The following RGS6 variants were observed in gnomAD, a reference collection of about 807,000 sequenced individuals.
RGS6 encodes regulator of G protein signaling 6.
A neutral mutation model predicts 78.5 loss-of-function variants in RGS6; 30 were observed. The observed-to-expected ratio is 0.38, with a 90% CI of 0.29 to 0.52. The LOEUF (loss-of-function observed/expected upper bound fraction) is 0.52. Ranked by LOEUF, RGS6 falls within the 20% of genes least tolerant of loss-of-function variation. The pLI is 0.85. For missense variants in RGS6, 495 were observed against 609.7 expected (o/e 0.81, Z 1.98); for synonymous variants, 206 against 206.0 (o/e 1.00, Z 0.00).
At chr14:72,101,754 C>G (rs2095533092) in intron 2 of RGS6, among the ~76,000 whole-genome samples, 2 of 152,188 alleles carry the variant, frequency 1.3e-5, no homozygotes, top group Admixed American at 1.3e-4. Context: ...TGTTGAATCT[C>G]TACCCCCAGT....
intron 2 of RGS6, among the ~76,000 whole-genome samples, chr14:72,182,921 G>T (rs11628641): frequency 0.35 from 53,734 of 152,038 alleles, 9,660 homozygotes; most frequent in Middle Eastern, 0.43. Flanking sequence ...CTGTTGTTCA[G>T]GTTATATGTG....
intron 3 of RGS6, among the ~76,000 whole-genome samples, chr14:72,445,398 C>G (rs2095338915): frequency 6.6e-6 from 1 of 152,074 alleles, no homozygotes; most frequent in Admixed American, 6.5e-5. Context: ...CCATGTTGGC[C>G]AGGCTGGTCT....
chr14:71,920,485 C>T, the RGS6 span, among the ~76,000 whole-genome samples: 14 of 152,112 alleles, frequency 9.2e-5, no homozygotes, highest in African/African-American at 3.4e-4. Context: ...GAGTCGAGGT[C>T]TACTGAAGAG....
chr14:72,520,127 A>C (rs2097014385), intron 15 of RGS6, among the ~76,000 whole-genome samples: 1 of 152,084 alleles, frequency 6.6e-6, no homozygotes, highest in South Asian at 2.1e-4. Context: ...ATGTTGCATC[A>C]TTTCATCTGT....
intron 2 of RGS6, among the ~76,000 whole-genome samples, chr14:72,331,390 G>A (rs542134460): frequency 1.4e-4 from 22 of 152,326 alleles, no homozygotes; most frequent in Admixed American, 6.5e-4. Context: ...TATTCTTGCA[G>A]GGTTAATGTC....
the RGS6 span, among the ~76,000 whole-genome samples, chr14:71,917,501 T>C: frequency 1.3e-5 from 2 of 152,158 alleles, no homozygotes; most frequent in South Asian, 2.1e-4. Flanking sequence ...AACAGGAGGT[T>C]TGGGGAGATG....
the RGS6 span, among the ~76,000 whole-genome samples, chr14:71,883,974 A>C: frequency 1.3e-5 from 2 of 152,236 alleles, no homozygotes; most frequent in Non-Finnish European, 2.9e-5. Context: ...TCCTTAGTCC[A>C]GCAGCCCAAG....
chr14:72,586,248 T>G, the RGS6 span, among the ~76,000 whole-genome samples: 1 of 152,186 alleles, frequency 6.6e-6, no homozygotes, highest in African/African-American at 2.4e-5. Context: ...CCAGTGTTGG[T>G]GGAGGTACGG....
At position 72,002,588 on chromosome 14, in the gene RGS6, G is replaced by A. The variant is rs1023370636; in HGVS notation, c.84+37713G>A. 7.3e-5 allele frequency among the ~76,000 whole-genome samples: 10 copies of A among 137,426 alleles called. No homozygotes were observed. In the Admixed American group the frequency reaches 7.6e-4, roughly 10 times the overall value. The allele number at this position is 137,426 out of a possible 152,430, so 90.2% of individuals were successfully genotyped here. ...TAAAGAAGGGTATGCATTGAGGCAA[G>A]AGTCTTGCCAACTTTTCAAAAAAAA... On this transcript the variant is annotated intron_variant, in intron 2 of 17. Transcript: ENST00000553525.
intron 2 of RGS6, among the ~76,000 whole-genome samples, chr14:72,208,585 T>C (rs1272441562): frequency 1.3e-5 from 2 of 152,184 alleles, no homozygotes; most frequent in East Asian, 3.9e-4. Context: ...CTGGGTCCTA[T>C]TTCCCTTTGT....
chr14:72,180,937 C>A (rs1018796823), intron 2 of RGS6, among the ~76,000 whole-genome samples: 1 of 152,172 alleles, frequency 6.6e-6, no homozygotes, highest in Non-Finnish European at 1.5e-5. Context: ...AAATAAATTT[C>A]TTTATAAATT....
At chr14:72,482,245 C>T (rs991334993) in intron 12 of RGS6, among the ~76,000 whole-genome samples, 14 of 152,180 alleles carry the variant, frequency 9.2e-5, no homozygotes, top group Admixed American at 4.6e-4. Context: ...TGCTTTAAAA[C>T]TGTCAGTGGT....
intron 2 of RGS6, among the ~76,000 whole-genome samples, chr14:72,237,156 A>G (rs2051302581): frequency 6.6e-6 from 1 of 152,094 alleles, no homozygotes; most frequent in Non-Finnish European, 1.5e-5. Context: ...AAATTCATCT[A>G]TTTTTGTTTG....
At chr14:72,543,438 T>A (rs1321738971) in intron 17 of RGS6, among the ~76,000 whole-genome samples, 2 of 152,204 alleles carry the variant, frequency 1.3e-5, no homozygotes, top group African/African-American at 4.8e-5. Context: ...TTGGAGCCTG[T>A]CTCTGCCTAA....
chr14:72,292,804 G>A (rs4899430), intron 2 of RGS6, among the ~76,000 whole-genome samples: 103,566 of 152,122 alleles, frequency 0.68, 35,542 homozygotes, highest in East Asian at 0.86. Flanking sequence ...TTGTAAAGGT[G>A]CATGAGGAAT....
chr14:72,510,772 C>A (rs1000283887), intron 14 of RGS6, among the ~76,000 whole-genome samples: 1 of 152,178 alleles, frequency 6.6e-6, no homozygotes, highest in Admixed American at 6.5e-5. Context: ...GTAGCAGCTA[C>A]GTAACAGTAG....
At chr14:72,459,253 C>G (rs1294695183) in intron 5 of RGS6, among the ~76,000 whole-genome samples, 1 of 152,106 alleles carries the variant, frequency 6.6e-6, no homozygotes, top group Non-Finnish European at 1.5e-5. Flanking sequence ...GAATCAAGGT[C>G]TAACCAAAGG....
At chr14:72,117,730 G>T (rs2095936819) in intron 2 of RGS6, among the ~76,000 whole-genome samples, 1 of 152,146 alleles carries the variant, frequency 6.6e-6, no homozygotes, top group East Asian at 1.9e-4. Context: ...GCAGTCATGG[G>T]AGAGATGTGA....
Position 72,476,793 on chromosome 14 carries a change from C to T in RGS6, c.745C>T (p.Leu249Phe), listed in dbSNP as rs2096251633. The T allele has an allele frequency of 2.5e-6, 4 of 1,614,088 alleles. No individual in the cohort carries two copies. Among genetic ancestry groups the T allele is most frequent in the Non-Finnish European group, 3.4e-6 (4 of 1,180,036 alleles). ...ESQAQSPVHV[L>F]SQPIRKTTKE... The stretch of plus-strand genomic sequence containing the variant: ...CCAGGCACAGAGCCCGGTGCATGTA[C>T]TCAGCCAACCAATCAGGAAAACAAC... Residue 249 changes from leucine (L) to phenylalanine (F), a missense_variant, in exon 11 of 18, where the codon CTC (leucine) becomes TTC (phenylalanine). Physicochemically the swap from Leu to Phe is conservative, Grantham distance 22. Coordinates refer to ENST00000553525, the MANE Select transcript of RGS6 (RefSeq NM_001204424.2).
Sources: gnomAD v4.1 joint callset for allele counts (sites outside exome capture counted in the v4.1 genomes callset) on GRCh38, gnomAD v4.1.1 for gene constraint, MANE v1.5 for transcripts, NCBI Gene and HGNC (gene_info 2026-07-23, HGNC 2026-07-21) for gene names.